RCC1L: variants seen among roughly 807,000 people sequenced by gnomAD.
RCC1L encodes the protein RCC1 like.
In RCC1L, 46 loss-of-function variants were observed where a neutral mutation model predicts 58.6. The observed-to-expected ratio is 0.79, with a 90% CI of 0.62 to 1.00. RCC1L has a LOEUF of 1.00. Among genes scored for constraint, RCC1L ranks in the 50% least tolerant of loss-of-function variants. The probability of loss-of-function intolerance (pLI) is 0.00; values close to 1 mark genes in which losing one functional copy is unlikely to be tolerated. For synonymous variants in RCC1L, 281 were observed against 262.9 expected (o/e 1.07, Z -0.67); for missense variants, 636 against 623.6 (o/e 1.02, Z -0.21).
At chr7:75,040,007 G>A (rs928132584), downstream of RCC1L, among the ~76,000 whole-genome samples, 2 of 152,110 alleles carry the variant, frequency 1.3e-5, no homozygotes, top group African/African-American at 2.4e-5. Flanking sequence ...TGGGGAGAAG[G>A]CTTGGTCCAC....
chr7:75,059,187 CAAAAAAA>C (rs71278503), intron 6 of RCC1L, among the ~76,000 whole-genome samples: 1 of 77,986 alleles, frequency 1.3e-5, no homozygotes, highest in Non-Finnish European at 2.6e-5. Context: ...ATGAGACTCT[CAAAAAAA>C]AAAAAAAAAG....
At chr7:75,041,625 G>A (rs587627097), downstream of RCC1L, among the ~76,000 whole-genome samples, 21 of 152,034 alleles carry the variant, frequency 1.4e-4, no homozygotes, top group East Asian at 1.5e-3. Context: ...TTGGGGGACC[G>A]AGGCAGGCAG....
intron 8 of RCC1L, chr7:75,056,775 C>A (rs970097697): frequency 6.8e-7 from 1 of 1,466,664 alleles, no homozygotes; most frequent in Non-Finnish European, 9.2e-7. Context: ...TTCATTCACA[C>A]CCTGTAATGC....
chr7:75,049,565 G>T (rs1437688786), intron 10 of RCC1L, among the ~76,000 whole-genome samples: 3 of 152,002 alleles, frequency 2.0e-5, no homozygotes, highest in Non-Finnish European at 4.4e-5. Context: ...TCAGTTACTT[G>T]TGGGGCTGAG....
intron 10 of RCC1L, among the ~76,000 whole-genome samples, chr7:75,035,553 T>C (rs1328224333): frequency 2.0e-5 from 3 of 152,152 alleles, no homozygotes; most frequent in Non-Finnish European, 4.4e-5. Flanking sequence ...AATTGAAAAC[T>C]TATGTTCACA....
At position 75,052,739 on chromosome 7, in the gene RCC1L, C is replaced by A. The variant is rs1025191004; in HGVS notation, c.1289G>T (p.Arg430Leu). The change falls in exon 10 of 11, where the codon CGC becomes CTC. Residue 430 changes from arginine (R) to leucine (L), a missense_variant. Transcript: ENST00000610322. The stretch of plus-strand genomic sequence containing the variant: ...CCATGGGAAATACTGGTCCTCCAGG[C>A]GACCGATTCCCAGGCACCCTCGGAT... The part of the protein sequence containing the change: ...KNIRGCLGIG[R>L]LEDQYFPWRV... 2 of 1,612,902 alleles carry A rather than the reference C, an allele frequency of 1.2e-6. No homozygotes were observed. Among genetic ancestry groups the A allele is most frequent in the Non-Finnish European group, 1.7e-6 (2 of 1,179,668 alleles).
At chr7:75,044,175 A>G (rs1805648273) in intron 10 of RCC1L, among the ~76,000 whole-genome samples, 1 of 152,242 alleles carries the variant, frequency 6.6e-6, no homozygotes, top group African/African-American at 2.4e-5. Flanking sequence ...AGGTGTGCCC[A>G]GGGCCATAGC....
At chr7:75,035,184 C>T (rs1035003360) in intron 10 of RCC1L, among the ~76,000 whole-genome samples, 1 of 152,198 alleles carries the variant, frequency 6.6e-6, no homozygotes, top group Admixed American at 6.5e-5. Flanking sequence ...GCACACACTG[C>T]CACACCCAGC....
At chr7:75,066,217 T>C (rs1314276316) in intron 3 of RCC1L, among the ~76,000 whole-genome samples, 6 of 151,762 alleles carry the variant, frequency 4.0e-5, no homozygotes, top group South Asian at 2.1e-4. Flanking sequence ...TTTGGGAGGC[T>C]AAGGCGGGCG....
chr7:75,035,090 G>A (rs953907267), intron 10 of RCC1L, among the ~76,000 whole-genome samples: 2 of 151,866 alleles, frequency 1.3e-5, no homozygotes, highest in Non-Finnish European at 2.9e-5. Flanking sequence ...GAGTGCAGTG[G>A]AGCAATCCAA....
Position 75,030,051 on chromosome 7 carries a change from AGAGGCAG to A in RCC1L, c.1318-1979_1318-1973del, listed in dbSNP as rs1805256922. Among the ~76,000 whole-genome samples, 5 of 152,374 alleles carry A rather than the reference AGAGGCAG, an allele frequency of 3.3e-5. No individual in the cohort carries two copies. In the South Asian group the frequency reaches 6.2e-4, roughly 19 times the overall value. On this transcript the variant is annotated intron_variant, in intron 10 of 10. Transcript: ENST00000614461. Reference sequence around the variant, plus strand: ...AAGCCAGCCAGGAGCAGCCTGGAGCAGAGGCAGGAGCCTGAGGCCTGAGCCATGGCAT... The same window carrying A: ...AAGCCAGCCAGGAGCAGCCTGGAGCAGAGCCTGAGGCCTGAGCCATGGCAT...
At chr7:75,046,092 C>G (rs918139413) in intron 10 of RCC1L, among the ~76,000 whole-genome samples, 6 of 152,244 alleles carry the variant, frequency 3.9e-5, no homozygotes, top group Admixed American at 3.3e-4. Context: ...TTTGCACCTA[C>G]GCCAGGAGAC....
chr7:75,045,858 C>A (rs1451407950), intron 10 of RCC1L, among the ~76,000 whole-genome samples: 1 of 152,218 alleles, frequency 6.6e-6, no homozygotes, highest in Non-Finnish European at 1.5e-5. Context: ...AGTGACCCTG[C>A]CTGGCTTGGC....
chr7:75,068,770 TTGTC>T (rs1442633330), intron 2 of RCC1L, among the ~76,000 whole-genome samples: 1 of 152,204 alleles, frequency 6.6e-6, no homozygotes, highest in Non-Finnish European at 1.5e-5. Flanking sequence ...AAAAATGTAT[TTGTC>T]TGTGAACAAG....
At chr7:75,056,185 GTT>G (rs1407407702) in intron 8 of RCC1L, 111 bp from the exon 9 acceptor site, 1 of 1,084,838 alleles carries the variant, frequency 9.2e-7, no homozygotes, top group Non-Finnish European at 1.3e-6. Flanking sequence ...GTTTTTTTTT[GTT>G]TTTTTTTTGT....
exon 11 of RCC1L, chr7:75,028,063 G>A: frequency 6.5e-7 from 1 of 1,534,398 alleles, no homozygotes; most frequent in Non-Finnish European, 8.7e-7. Flanking sequence ...CTTGGCGCTG[G>A]CGGATGGGGC....
In RCC1L at chr7:75,066,267, T is replaced by C. The variant is rs149188994; in HGVS notation, c.583+397A>G. Among the ~76,000 whole-genome samples, 319 of 151,898 alleles carry C rather than the reference T, an allele frequency of 2.1e-3. 2 individuals are homozygous for C. Among genetic ancestry groups the C allele is most frequent in the African/African-American group, 6.7e-3 (279 of 41,462 alleles). Reference sequence around the variant, plus strand: ...GAGATTGAGACCATCCTGGCTAACATGGTGAAACCCCGTCTCTACTAAAAA... The same window carrying C: ...GAGATTGAGACCATCCTGGCTAACACGGTGAAACCCCGTCTCTACTAAAAA... On this transcript the variant is annotated intron_variant, in intron 3 of 10. Transcript: ENST00000610322.
At chr7:75,070,580 C>CA (rs1195915710) in intron 2 of RCC1L, 60 bp downstream of exon 2, 4 of 1,576,280 alleles carry the variant, frequency 2.5e-6, no homozygotes, top group East Asian at 2.3e-5. Context: ...AAAAAAAATA[C>CA]AAAAAAAGAG....
intron 10 of RCC1L, among the ~76,000 whole-genome samples, chr7:75,048,633 ATGTT>A (rs1362245489): frequency 6.6e-6 from 1 of 152,184 alleles, no homozygotes; most frequent in Non-Finnish European, 1.5e-5. Flanking sequence ...CCAGGCTGGA[ATGTT>A]TGTCTGTGGA....
Sources: gnomAD v4.1 joint callset for allele counts (sites outside exome capture counted in the v4.1 genomes callset) on GRCh38, gnomAD v4.1.1 for gene constraint, MANE v1.5 for transcripts, NCBI Gene and HGNC (gene_info 2026-07-23, HGNC 2026-07-21) for gene names.